FBXW8: variants seen among roughly 807,000 people sequenced by gnomAD.
FBXW8 encodes F-box/WD repeat-containing protein 8.
FBXW8 carries 57 observed loss-of-function variants against 65.3 expected under a neutral mutation model. That is an observed-to-expected ratio of 0.87 (90% confidence interval 0.71 to 1.09). FBXW8 has a LOEUF of 1.09. Ranked by LOEUF, FBXW8 falls within the 50% of genes least tolerant of loss-of-function variation. FBXW8 has a pLI of 0.00. For synonymous variants in FBXW8, 308 were observed against 330.2 expected, an observed-to-expected ratio of 0.93 and a Z score of 0.73; for missense variants, 777 against 814.8, an observed-to-expected ratio of 0.95 and a Z score of 0.57.
At chr12:116,932,819 A>G (rs1295932871) in intron 2 of FBXW8, among the ~76,000 whole-genome samples, 1 of 152,234 alleles carries the variant, frequency 6.6e-6, no homozygotes, top group Non-Finnish European at 1.5e-5. Flanking sequence ...GGCGTGAGCC[A>G]CTGTGCCCAG....
At chr12:116,990,235 C>T (rs1014419532) in intron 7 of FBXW8, among the ~76,000 whole-genome samples, 4 of 152,202 alleles carry the variant, frequency 2.6e-5, no homozygotes, top group African/African-American at 4.8e-5. Context: ...TATCATCTCA[C>T]TGTGAAAAGG....
At chr12:116,915,123 A>G (rs1236434079) in intron 1 of FBXW8, among the ~76,000 whole-genome samples, 2 of 152,190 alleles carry the variant, frequency 1.3e-5, no homozygotes, top group Non-Finnish European at 2.9e-5. Flanking sequence ...ATAAATGATG[A>G]CAAGGTTTAT....
Position 116,938,343 on chromosome 12 carries a change from A to G in FBXW8, c.424-7021A>G, listed in dbSNP as rs1381619409. ...CACCTCTGCCTTTTTTAAGTCTCTC[A>G]AAGAGATTTTTTATTTGTTATCCAG... On this transcript the variant is annotated intron_variant, in intron 2 of 10. Transcript: ENST00000652555. 4.6e-5 allele frequency among the ~76,000 whole-genome samples: 7 copies of G among 152,254 alleles called. No individual in the cohort carries two copies. The East Asian group carries it at 1.3e-3, about 29-fold the overall frequency.
chr12:117,013,883 C>G (rs370426742), intron 8 of FBXW8, among the ~76,000 whole-genome samples: 31 of 151,030 alleles, frequency 2.1e-4, no homozygotes, highest in African/African-American at 7.5e-4. Flanking sequence ...AAGGAAAAGT[C>G]TGCAGGAAGT....
chr12:116,922,958 A>G (rs1881020005), intron 1 of FBXW8, among the ~76,000 whole-genome samples: 1 of 152,092 alleles, frequency 6.6e-6, no homozygotes, highest in African/African-American at 2.4e-5. Context: ...CATGCCTGTA[A>G]TCCCAGCACT....
intron 7 of FBXW8, among the ~76,000 whole-genome samples, chr12:116,996,924 A>G (rs1262476120): frequency 6.6e-6 from 1 of 152,182 alleles, no homozygotes; most frequent in Non-Finnish European, 1.5e-5. Context: ...TGGCGATGTA[A>G]AGGAGGCGTG....
intron 8 of FBXW8, among the ~76,000 whole-genome samples, chr12:117,015,955 T>A (rs539112816): frequency 6.6e-6 from 1 of 152,350 alleles, no homozygotes; most frequent in South Asian, 2.1e-4. Context: ...TATGACTGGC[T>A]TATTCCACTT....
chr12:117,001,288 G>A (rs1378128698), intron 7 of FBXW8, among the ~76,000 whole-genome samples: 6 of 152,126 alleles, frequency 3.9e-5, no homozygotes, highest in African/African-American at 9.7e-5. Flanking sequence ...CTGATTATTC[G>A]CTGCGGCTTC....
At chr12:116,973,989 T>C (rs559648351) in intron 5 of FBXW8, among the ~76,000 whole-genome samples, 2 of 152,142 alleles carry the variant, frequency 1.3e-5, no homozygotes, top group Middle Eastern at 3.4e-3. Flanking sequence ...CATTGGAAAA[T>C]AAGTAGCCCA....
At chr12:116,979,133 A>C (rs1335677376) in intron 5 of FBXW8, 3 of 152,240 alleles carry the variant, frequency 2.0e-5, no homozygotes, top group African/African-American at 7.2e-5. Context: ...CATTAGACAG[A>C]GGTCTTAAGG....
intron 4 of FBXW8, among the ~76,000 whole-genome samples, chr12:116,963,284 C>G (rs1208090412): frequency 6.6e-6 from 1 of 152,186 alleles, no homozygotes; most frequent in Non-Finnish European, 1.5e-5. Flanking sequence ...AAACAAAGCA[C>G]TCCTGAATCA....
intron 10 of FBXW8, 23 bp downstream of exon 10, chr12:117,027,527 T>C (rs1286930892): frequency 7.6e-6 from 12 of 1,580,990 alleles, no homozygotes; most frequent in Non-Finnish European, 9.6e-6. Context: ...GCCGGGCGAG[T>C]AAGAGACCAT....
chr12:117,022,481 G>A (rs539417991), intron 8 of FBXW8, among the ~76,000 whole-genome samples: 1 of 151,826 alleles, frequency 6.6e-6, no homozygotes, highest in East Asian at 1.9e-4. Flanking sequence ...CAGCAAAACC[G>A]TCTCTACTGA....
intron 8 of FBXW8, among the ~76,000 whole-genome samples, chr12:117,010,897 A>G (rs1054527161): frequency 6.6e-6 from 1 of 152,206 alleles, no homozygotes; most frequent in African/African-American, 2.4e-5. Context: ...CTGGTGATGG[A>G]AGGAAAGAGA....
intron 5 of FBXW8, among the ~76,000 whole-genome samples, chr12:116,975,636 T>A (rs1884879871): frequency 6.6e-6 from 1 of 152,214 alleles, no homozygotes; most frequent in African/African-American, 2.4e-5. Context: ...AGATACCACC[T>A]TAACCAAGTG....
intron 8 of FBXW8, among the ~76,000 whole-genome samples, chr12:117,011,253 C>T (rs1262697218): frequency 6.6e-6 from 1 of 151,456 alleles, no homozygotes; most frequent in Non-Finnish European, 1.5e-5. Context: ...CTGCAGGTGG[C>T]GGGCTGCTCG....
intron 4 of FBXW8, among the ~76,000 whole-genome samples, chr12:116,964,162 A>G (rs548378052): frequency 6.6e-6 from 1 of 152,360 alleles, no homozygotes; most frequent in South Asian, 2.1e-4. Flanking sequence ...TCTGGCTGCT[A>G]AAGGCAAGAT....
intron 7 of FBXW8, among the ~76,000 whole-genome samples, chr12:117,007,874 C>A (rs141672731): frequency 2.2e-3 from 337 of 152,000 alleles, no homozygotes; most frequent in African/African-American, 7.7e-3. Flanking sequence ...GGACTCGTAA[C>A]GTGGAAAGAA....
intron 7 of FBXW8, among the ~76,000 whole-genome samples, chr12:116,999,149 T>A (rs948580745): frequency 1.3e-5 from 2 of 152,180 alleles, no homozygotes; most frequent in African/African-American, 4.8e-5. Flanking sequence ...ATCCCCTTTG[T>A]AGAGAGCAAA....
Sources: gnomAD v4.1 joint callset for allele counts (sites outside exome capture counted in the v4.1 genomes callset) on GRCh38, gnomAD v4.1.1 for gene constraint, MANE v1.5 for transcripts, NCBI Gene and HGNC (gene_info 2026-07-23, HGNC 2026-07-21) for gene names.